TRANK1: variants seen among roughly 807,000 people sequenced by gnomAD.
TRANK1 encodes the protein tetratricopeptide repeat and ankyrin repeat containing 1, also known as TPR and ankyrin repeat-containing protein 1.
In TRANK1, 198 loss-of-function variants were observed where a neutral mutation model predicts 266.0. The observed-to-expected ratio is 0.74, with a 90% CI of 0.66 to 0.84. The LOEUF (loss-of-function observed/expected upper bound fraction) is 0.84, where lower values mean the gene tolerates loss of function less well. TRANK1 is among the 40% of genes least tolerant of loss of function. TRANK1 has a pLI of 0.00. For synonymous variants in TRANK1, 1,396 were observed against 1,384.1 expected, an observed-to-expected ratio of 1.01 and a Z score of -0.19; for missense variants, 3,326 against 3,634.6, an observed-to-expected ratio of 0.92 and a Z score of 2.18.
At chr3:36,846,466 C>CT (rs1292882876) in intron 16 of TRANK1, 62 bp from the exon 17 acceptor site, 36 of 1,515,886 alleles carry the variant, frequency 2.4e-5, no homozygotes, top group Non-Finnish European at 3.1e-5. Context: ...AAGTGACACA[C>CT]TTCAATGGGC....
chr3:36,874,428 C>A, intron 8 of TRANK1, 132 bp from the exon 9 acceptor site: 1 of 945,790 alleles, frequency 1.1e-6, no homozygotes, highest in Non-Finnish European at 1.5e-6. Context: ...GTTTGTGGAG[C>A]CTGCACTGCT....
At chr3:36,875,278 A>T (rs957063171) in intron 8 of TRANK1, among the ~76,000 whole-genome samples, 1 of 152,234 alleles carries the variant, frequency 6.6e-6, no homozygotes, top group Non-Finnish European at 1.5e-5. Context: ...TAGAGGTCAG[A>T]GATTCAGAGT....
At chr3:36,894,550 C>T (rs1402009868) in intron 5 of TRANK1, among the ~76,000 whole-genome samples, 2 of 152,066 alleles carry the variant, frequency 1.3e-5, no homozygotes, top group African/African-American at 4.8e-5. Flanking sequence ...GCCTGCCCTC[C>T]CAAGATTTTT....
chr3:36,920,132 A>C (rs781162483), intron 1 of TRANK1, among the ~76,000 whole-genome samples: 1 of 152,238 alleles, frequency 6.6e-6, no homozygotes, highest in Non-Finnish European at 1.5e-5. Flanking sequence ...ATGGCTAAGG[A>C]TATTTCATTA....
chr3:36,853,877 G>A (rs1217221767), intron 13 of TRANK1, among the ~76,000 whole-genome samples: 2 of 152,196 alleles, frequency 1.3e-5, no homozygotes, highest in Non-Finnish European at 2.9e-5. Context: ...ACAATGAGTA[G>A]TAACTGCTAT....
intron 2 of TRANK1, among the ~76,000 whole-genome samples, chr3:36,906,661 T>C (rs898613628): frequency 4.9e-4 from 74 of 152,000 alleles, no homozygotes; most frequent in African/African-American, 1.7e-3. Context: ...GAAGCAGAGA[T>C]TGGAATGATA....
chr3:36,911,452 T>C (rs2080051306), intron 1 of TRANK1, among the ~76,000 whole-genome samples: 1 of 152,206 alleles, frequency 6.6e-6, no homozygotes, highest in Non-Finnish European at 1.5e-5. Flanking sequence ...ATTTCCATTG[T>C]ATTTACAAAT....
intron 9 of TRANK1, among the ~76,000 whole-genome samples, chr3:36,869,703 G>A (rs17035677): frequency 1.2e-4 from 18 of 152,332 alleles, no homozygotes; most frequent in African/African-American, 4.3e-4. Context: ...AACACCTTCT[G>A]GGAGCTAAAG....
At chr3:36,895,841 C>T in intron 4 of TRANK1, 83 bp from the exon 5 acceptor site, 1 of 812,878 alleles carries the variant, frequency 1.2e-6, no homozygotes, top group Non-Finnish European at 1.9e-6. Context: ...ATTAAGTTCA[C>T]ACATAGACAA....
chr3:36,842,568 TGAG>T, intron 18 of TRANK1, 51 bp downstream of exon 18: 1 of 1,503,774 alleles, frequency 6.6e-7, no homozygotes, highest in Non-Finnish European at 9.2e-7. Context: ...AACCTGCCTG[TGAG>T]GTCTGACGAG....
intron 20 of TRANK1, among the ~76,000 whole-genome samples, chr3:36,835,734 A>C (rs951539349): frequency 7.2e-5 from 11 of 152,206 alleles, no homozygotes; most frequent in African/African-American, 2.7e-4. Flanking sequence ...TTTCTTTGCT[A>C]TCCAATCTCA....
chr3:36,892,913 T>G lies in TRANK1; in HGVS notation c.624A>C (p.Lys208Asn), dbSNP rs1427644885. 2.0e-6 allele frequency: 3 copies of G among 1,482,016 alleles called. No individual in the cohort carries two copies. The highest frequency in any genetic ancestry group is 2.6e-5 in the South Asian group (2 of 75,486). 91.8% of individuals were successfully genotyped at this position (1,482,016 alleles called of 1,614,324 possible). A position where few individuals can be genotyped will look rare whatever the true frequency, so the allele number is the denominator to read the frequency against. The change falls in exon 6 of 24, where the codon AAA becomes AAC. Residue 208 changes from lysine (K) to asparagine (N), a missense_variant. Coordinates refer to ENST00000645898, the MANE Select transcript of TRANK1 (RefSeq NM_001329998.2). ...TATATCACCTTACCTCAAAGAGACT[T>G]TTCAGTGATAACTCTGGGACATGAA... ...RNIHVPELSL[K>N]SLFEKYVFIG...
chr3:36,932,205 C>T (rs1175572628), intron 1 of TRANK1, among the ~76,000 whole-genome samples: 2 of 152,180 alleles, frequency 1.3e-5, no homozygotes, highest in African/African-American at 4.8e-5. Flanking sequence ...TTTAAATCAA[C>T]ATGGTTATGC....
rs191785468 is a variant in TRANK1, at chr3:36,929,983, T to C, written c.23+14804A>G. Reference sequence around the variant, plus strand: ...GTGCAATGGCACAATCTCAGCTCACTACAACCTCAGCCTCCCAAGTAGCTG... The same window carrying C: ...GTGCAATGGCACAATCTCAGCTCACCACAACCTCAGCCTCCCAAGTAGCTG... On this transcript the variant is annotated intron_variant, in intron 1 of 23. Transcript: ENST00000645898. Among the ~76,000 whole-genome samples the C allele has an allele frequency of 4.8e-4, 73 of 152,226 alleles. 1 individual carries two copies. Among genetic ancestry groups the C allele is most frequent in the Middle Eastern group, 3.4e-3 (1 of 294 alleles).
chr3:36,935,776 G>A (rs137985274), intron 1 of TRANK1, among the ~76,000 whole-genome samples: 99 of 152,258 alleles, frequency 6.5e-4, no homozygotes, highest in African/African-American at 2.3e-3. Context: ...CAAAAACTAA[G>A]TCTTAGTAAG....
intron 1 of TRANK1, among the ~76,000 whole-genome samples, chr3:36,918,116 C>T (rs1286029643): frequency 6.6e-6 from 1 of 152,082 alleles, no homozygotes; most frequent in Non-Finnish European, 1.5e-5. Flanking sequence ...ATGGATGAAC[C>T]TTCAGGGCAT....
At chr3:36,874,082 A>T in intron 9 of TRANK1, 44 bp downstream of exon 9, 1 of 1,500,486 alleles carries the variant, frequency 6.7e-7, no homozygotes. Context: ...ATGTCACAGA[A>T]CCAGTTTTAT....
At chr3:36,938,689 T>C (rs180847406) in intron 1 of TRANK1, among the ~76,000 whole-genome samples, 3 of 152,044 alleles carry the variant, frequency 2.0e-5, no homozygotes, top group Non-Finnish European at 2.9e-5. Flanking sequence ...CCGGGTGTGA[T>C]AGCTCACACC....
intron 15 of TRANK1, chr3:36,850,205 T>C (rs1179122835): frequency 2.0e-6 from 2 of 985,188 alleles, no homozygotes; most frequent in African/African-American, 1.7e-5. Context: ...GGATGTATCA[T>C]TAGAAAAAAA....
Sources: gnomAD v4.1 joint callset for allele counts (sites outside exome capture counted in the v4.1 genomes callset) on GRCh38, gnomAD v4.1.1 for gene constraint, MANE v1.5 for transcripts, NCBI Gene and HGNC (gene_info 2026-07-23, HGNC 2026-07-21) for gene names.